LZTFL1: variants seen among roughly 807,000 people sequenced by gnomAD.
The protein encoded by LZTFL1 is leucine zipper transcription factor like 1.
A neutral mutation model predicts 45.9 loss-of-function variants in LZTFL1; 25 were observed. The observed-to-expected ratio is 0.54, with a 90% CI of 0.40 to 0.76. The LOEUF (loss-of-function observed/expected upper bound fraction) is 0.76. LZTFL1 is among the 30% of genes least tolerant of loss of function. The pLI is 0.00. For missense variants in LZTFL1, 277 were observed against 331.1 expected (o/e 0.84, Z 1.27); for synonymous variants, 93 against 117.4 (o/e 0.79, Z 1.35).
intron 2 of LZTFL1, chr3:45,895,094 T>TCTCTGCCTGGCAA: frequency 1.1e-6 from 1 of 887,444 alleles, no homozygotes; most frequent in Non-Finnish European, 1.9e-6. Flanking sequence ...GCAATGCGCA[T>TCTCTGCCTGGCAA]TGCTGGGTAG....
chr3:45,874,606 C>T (rs1701720036), intron 2 of LZTFL1, among the ~76,000 whole-genome samples: 3 of 152,132 alleles, frequency 2.0e-5, no homozygotes, highest in African/African-American at 7.2e-5. Context: ...ATCACATTAC[C>T]CTGTAGGTAC....
At chr3:45,830,655 A>C (rs1208824306) in intron 7 of LZTFL1, among the ~76,000 whole-genome samples, 1 of 151,750 alleles carries the variant, frequency 6.6e-6, no homozygotes, top group African/African-American at 2.4e-5. Context: ...AAATGTGAGA[A>C]TATCTTGCAT....
intron 2 of LZTFL1, among the ~76,000 whole-genome samples, chr3:45,876,460 T>TG (rs1171078902): frequency 2.0e-5 from 3 of 152,138 alleles, no homozygotes; most frequent in Non-Finnish European, 4.4e-5. Flanking sequence ...GTCCCTGTTT[T>TG]ACAAAAGAGA....
chr3:45,912,046 C>A (rs973587042), intron 2 of LZTFL1, among the ~76,000 whole-genome samples: 1 of 152,246 alleles, frequency 6.6e-6, no homozygotes, highest in Non-Finnish European at 1.5e-5. Context: ...CTGTGTCCAG[C>A]GTCTTTGTCA....
At position 45,828,451 on chromosome 3, in the gene LZTFL1, G is replaced by C. The variant is rs1164811993; in HGVS notation, c.765C>G (p.His255Gln). Reference sequence around the variant, plus strand: ...ATGGTCTTCTGACCTTTTCAGCCATGTGCAGCTGCTCCTGAACCCTGAGTA... The same window carrying C: ...ATGGTCTTCTGACCTTTTCAGCCATCTGCAGCTGCTCCTGAACCCTGAGTA... The part of the protein sequence containing the change: ...HDLLRVQEQL[H>Q]MAEKELEKKF... Residue 255 changes from histidine to glutamine, a missense_variant, in exon 8 of 10, where the codon CAC (histidine) becomes CAG (glutamine). Coordinates refer to ENST00000296135, the MANE Select transcript of LZTFL1 (RefSeq NM_020347.4). 1.2e-6 allele frequency: 2 copies of C among 1,613,562 alleles called. No homozygotes were observed. The highest frequency in any genetic ancestry group is 1.7e-6 in the Non-Finnish European group (2 of 1,179,896).
intron 2 of LZTFL1, among the ~76,000 whole-genome samples, chr3:45,869,276 GTA>G (rs1701630987): frequency 6.6e-6 from 1 of 152,216 alleles, no homozygotes; most frequent in African/African-American, 2.4e-5. Flanking sequence ...TACTGATGCT[GTA>G]TGTTTGTTAT....
intron 2 of LZTFL1, among the ~76,000 whole-genome samples, chr3:45,911,669 G>T (rs1381898246): frequency 6.6e-6 from 1 of 152,258 alleles, no homozygotes; most frequent in Non-Finnish European, 1.5e-5. Context: ...CAGCCCCTAG[G>T]CAGGGGAAGA....
chr3:45,889,732 T>C (rs1405413167), intron 2 of LZTFL1, among the ~76,000 whole-genome samples: 3 of 151,988 alleles, frequency 2.0e-5, no homozygotes, highest in Admixed American at 6.6e-5. Context: ...TCCTACATGT[T>C]GCATTTTAAT....
chr3:45,905,861 C>T (rs996114370), intron 2 of LZTFL1, among the ~76,000 whole-genome samples: 9 of 152,198 alleles, frequency 5.9e-5, no homozygotes, highest in African/African-American at 1.7e-4. Flanking sequence ...GCTGGCCAAC[C>T]TTGTGCCTGT....
In LZTFL1 at chr3:45,831,132, A is replaced by C. The variant is rs1330457833; in HGVS notation, c.463T>G (p.Leu155Val). ...GTAELLNKEI[L>V]RLQEENEKLK... ...TTCTCATTCTCTTCTTGAAGTCTTA[A>C]AATTTCCTTTGTGAGTAAATTCAAA... Residue 155 changes from leucine to valine, a missense_variant, in exon 6 of 10, where the codon TTA (leucine) becomes GTA (valine). Transcript: ENST00000296135. 3.2e-6 allele frequency: 5 copies of C among 1,572,656 alleles called. No homozygotes were observed. Among genetic ancestry groups the C allele is most frequent in the Middle Eastern group, 1.7e-4 (1 of 5,862 alleles).
At chr3:45,838,454 C>T (rs1219387649) in intron 1 of LZTFL1, among the ~76,000 whole-genome samples, 1 of 152,216 alleles carries the variant, frequency 6.6e-6, no homozygotes, top group East Asian at 1.9e-4. Flanking sequence ...CACTGACCCT[C>T]TCACTGAACT....
At chr3:45,851,217 T>A (rs900656994) in intron 4 of LZTFL1, among the ~76,000 whole-genome samples, 1 of 125,654 alleles carries the variant, frequency 8.0e-6, no homozygotes, top group African/African-American at 3.2e-5. Context: ...GATTGTGATT[T>A]AGCTGTGATT....
intron 2 of LZTFL1, among the ~76,000 whole-genome samples, chr3:45,878,317 T>C (rs1291985678): frequency 6.6e-6 from 1 of 152,232 alleles, no homozygotes. Context: ...TGTGATTGTT[T>C]TGATGTGGCC....
rs966708664 is a variant in LZTFL1, at chr3:45,884,957, C to T, written c.-214-25941G>A. 1.3e-4 allele frequency among the ~76,000 whole-genome samples: 19 copies of T among 151,178 alleles called. No homozygotes were observed. In the East Asian group the frequency reaches 2.7e-3, roughly 22 times the overall value. ...GACACCATTTATTTGCAATGAGCGC[C>T]CGCCGAGGGAAGGGAATTTCACGGC... On this transcript the variant is annotated intron_variant, in intron 2 of 4. Transcript: ENST00000472635.
upstream of LZTFL1, among the ~76,000 whole-genome samples, chr3:45,845,046 T>G (rs1243471383): frequency 1.6e-4 from 25 of 152,092 alleles, no homozygotes; most frequent in Admixed American, 1.6e-3. Context: ...CCTCAAAAAA[T>G]TTTAAGAATT....
Position 45,900,355 on chromosome 3 carries a change from C to A in LZTFL1, c.-215+12765G>T, listed in dbSNP as rs886096054. On this transcript the variant is annotated intron_variant, in intron 2 of 4. Coordinates refer to the LZTFL1 transcript ENST00000472635. The surrounding 1 kb of genome is among the most constrained non-coding windows in gnomAD (Gnocchi z 4.7). ...ACTGGGATCCAGATGAGTTTAAGAG[C>A]CCTTGCTAACCTTTTTAGGGTCAGT... Among the ~76,000 whole-genome samples, 6 of 152,000 alleles carry A rather than the reference C, an allele frequency of 3.9e-5. No homozygotes were observed. Among genetic ancestry groups the A allele is most frequent in the Non-Finnish European group, 8.8e-5 (6 of 67,992 alleles).
chr3:45,841,826 C>T, intron 1 of LZTFL1, 163 bp downstream of exon 1: 1 of 913,024 alleles, frequency 1.1e-6, no homozygotes, highest in Non-Finnish European at 1.7e-6. Context: ...CTGCGGTTAA[C>T]CGAATCTCTC....
intron 2 of LZTFL1, among the ~76,000 whole-genome samples, chr3:45,912,195 T>C (rs1702807026): frequency 6.6e-6 from 1 of 152,246 alleles, no homozygotes; most frequent in Non-Finnish European, 1.5e-5. Context: ...TGAAGATTGT[T>C]GCGTGTGTTT....
intron 2 of LZTFL1, among the ~76,000 whole-genome samples, chr3:45,912,726 G>C (rs1158275556): frequency 6.6e-6 from 1 of 152,126 alleles, no homozygotes; most frequent in Non-Finnish European, 1.5e-5. Context: ...AGACATGTGG[G>C]AGCACAGCCT....
Sources: gnomAD v4.1 joint callset for allele counts (sites outside exome capture counted in the v4.1 genomes callset) on GRCh38, gnomAD v4.1.1 for gene constraint, Gnocchi (gnomAD v3.1) non-coding constraint, MANE v1.5 for transcripts, NCBI Gene and HGNC (gene_info 2026-07-23, HGNC 2026-07-21) for gene names.